BIRC6: variants seen among roughly 807,000 people sequenced by gnomAD.
BIRC6 encodes baculoviral IAP repeat containing 6.
BIRC6 carries 98 observed loss-of-function variants against 503.3 expected under a neutral mutation model. The observed-to-expected ratio is 0.19, with a 90% CI of 0.17 to 0.23. The LOEUF (loss-of-function observed/expected upper bound fraction) is 0.23. Among genes scored for constraint, BIRC6 ranks in the 10% least tolerant of loss-of-function variants. The pLI is 1.00. For synonymous variants in BIRC6, 2,240 were observed against 2,078.7 expected (o/e 1.08, Z -2.11); for missense variants, 5,360 against 5,806.0 (o/e 0.92, Z 2.50).
At chr2:32,450,939 C>T (rs1180964100) in intron 22 of BIRC6, among the ~76,000 whole-genome samples, 2 of 152,030 alleles carry the variant, frequency 1.3e-5, no homozygotes, top group Non-Finnish European at 2.9e-5. Context: ...ATTTTTTTCC[C>T]CTGAATATTT....
At chr2:32,518,034 T>C (rs1450428950) in intron 55 of BIRC6, among the ~76,000 whole-genome samples, 2 of 152,074 alleles carry the variant, frequency 1.3e-5, no homozygotes, top group African/African-American at 2.4e-5. Context: ...CTTACACTTT[T>C]ATCTCCTTTG....
At chr2:32,378,097 C>A (rs761854103) in intron 2 of BIRC6, among the ~76,000 whole-genome samples, 5 of 152,064 alleles carry the variant, frequency 3.3e-5, no homozygotes, top group Non-Finnish European at 5.9e-5. Flanking sequence ...TCATTGCCAA[C>A]CTCAACACTT....
At chr2:32,559,720 TAAA>T (rs371576069) in intron 65 of BIRC6, among the ~76,000 whole-genome samples, 13 of 138,036 alleles carry the variant, frequency 9.4e-5, no homozygotes, top group African/African-American at 3.5e-4. Flanking sequence ...TCAAAATCTT[TAAA>T]AAAAAAAAAA....
intron 4 of BIRC6, 34 bp from the exon 5 acceptor site, chr2:32,392,005 T>A: frequency 1.5e-6 from 2 of 1,364,998 alleles, no homozygotes; most frequent in Non-Finnish European, 2.0e-6. Flanking sequence ...ATTTGATGCC[T>A]AACTTCAATT....
At chr2:32,525,298 A>C (rs2056164335) in intron 58 of BIRC6, among the ~76,000 whole-genome samples, 166 bp from the exon 59 acceptor site, 1 of 152,228 alleles carries the variant, frequency 6.6e-6, no homozygotes. Flanking sequence ...ATTTGTTGTC[A>C]TGAAGGACGA....
At chr2:32,549,992 A>G (rs1018506395) in intron 65 of BIRC6, among the ~76,000 whole-genome samples, 2 of 152,204 alleles carry the variant, frequency 1.3e-5, no homozygotes, top group African/African-American at 4.8e-5. Context: ...TATTGATTGA[A>G]TAATATAGTT....
chr2:32,413,096 T>A (rs997579049), intron 9 of BIRC6, among the ~76,000 whole-genome samples: 5 of 151,784 alleles, frequency 3.3e-5, no homozygotes, highest in African/African-American at 1.2e-4. Flanking sequence ...GCAACTTCTG[T>A]CTCCCAGGTT....
intron 72 of BIRC6, among the ~76,000 whole-genome samples, chr2:32,608,558 G>A (rs977553459): frequency 2.6e-5 from 4 of 151,728 alleles, no homozygotes; most frequent in African/African-American, 4.9e-5. Flanking sequence ...GGGATTACGG[G>A]CATGTGGCAC....
At chr2:32,484,596 A>G (rs1462676903) in intron 39 of BIRC6, among the ~76,000 whole-genome samples, 1 of 151,820 alleles carries the variant, frequency 6.6e-6, no homozygotes, top group African/African-American at 2.4e-5. Flanking sequence ...TTACTGTAAT[A>G]GTTTATTCGT....
chr2:32,476,244 C>T lies in BIRC6; in HGVS notation c.6752C>T (p.Ala2251Val), dbSNP rs1473840374. 6.4e-7 allele frequency: 1 copy of T among 1,551,118 alleles called. No individual in the cohort carries two copies. Among genetic ancestry groups the T allele is most frequent in the Admixed American group, 2.0e-5 (1 of 50,976 alleles). The stretch of plus-strand genomic sequence containing the variant: ...AACCTACTAAAAGCAAAGCAGAAGG[C>T]ATTGGTAGAACAGATGGAAAAAGAA... ...QLNLLKAKQK[A>V]LVEQMEKEKI... The change falls in exon 34 of 74, where the codon GCA (alanine) becomes GTA (valine). Residue 2251 changes from alanine to valine, a missense_variant. Around this residue, in one of 16 missense-constraint regions of BIRC6, gnomAD observed 2,299 missense variants for 2,267.2 expected, o/e 1.01. Coordinates refer to ENST00000421745, the MANE Select transcript of BIRC6 (RefSeq NM_016252.4).
chr2:32,488,758 C>T (rs2149301596), intron 42 of BIRC6, 44 bp downstream of exon 42: 7 of 1,253,188 alleles, frequency 5.6e-6, no homozygotes, highest in Non-Finnish European at 7.5e-6. Flanking sequence ...AAATAGCAAG[C>T]TTAAAACGTA....
At position 32,553,197 on chromosome 2, in the gene BIRC6, C is replaced by CAAAAAAAAAAAAAAAAAAAAAAA. The variant is rs763552918; in HGVS notation, c.13144+3731_13144+3753dup. ...GGGTGACAAGAGTGAAACTCTGTCTCAAAAAAAAAAAAAAAAAAAAAAAAA... is the reference window on the plus strand; with the variant it reads ...GGGTGACAAGAGTGAAACTCTGTCTCAAAAAAAAAAAAAAAAAAAAAAAAAAAAAAAAAAAAAAAAAAAAAAAA... On this transcript the variant is annotated intron_variant, in intron 65 of 73. Transcript: ENST00000421745. Among the ~76,000 whole-genome samples, 5 of 34,950 alleles carry CAAAAAAAAAAAAAAAAAAAAAAA rather than the reference C, an allele frequency of 1.4e-4. 1 individual carries two copies. Among genetic ancestry groups the CAAAAAAAAAAAAAAAAAAAAAAA allele is most frequent in the Non-Finnish European group, 1.5e-4 (3 of 20,582 alleles). The allele number at this position is 34,950 out of a possible 152,430, so 22.9% of individuals were successfully genotyped here.
chr2:32,461,343 A>AGTGTGTGTGTGTGT lies in BIRC6; in HGVS notation c.4754-1824_4754-1811dup, dbSNP rs373274536. 4.7e-3 allele frequency among the ~76,000 whole-genome samples: 620 copies of AGTGTGTGTGTGTGT among 132,110 alleles called. 4 individuals are homozygous for AGTGTGTGTGTGTGT. Among genetic ancestry groups the AGTGTGTGTGTGTGT allele is most frequent in the African/African-American group, 0.014 (465 of 34,236 alleles). 86.7% of individuals were successfully genotyped at this position (132,110 alleles called of 152,430 possible). A position where few individuals can be genotyped will look rare whatever the true frequency, so the allele number is the denominator to read the frequency against. On this transcript the variant is annotated intron_variant, in intron 23 of 73. Coordinates refer to ENST00000421745, the MANE Select transcript of BIRC6 (RefSeq NM_016252.4). ...GAGGCTTGTGCCACCATGCCTGGCT[A>AGTGTGTGTGTGTGT]GTGTGTGTGTGTGTGTGTGTGTGTG...
chr2:32,476,045 A>C (rs1001814830), intron 33 of BIRC6, among the ~76,000 whole-genome samples, 168 bp from the exon 34 acceptor site: 1 of 152,176 alleles, frequency 6.6e-6, no homozygotes, highest in Non-Finnish European at 1.5e-5. Context: ...TCTCAAAGTC[A>C]GGATTTGAAA....
rs538383610 is a variant in BIRC6, at chr2:32,608,706, C to T, written c.14259+1063C>T. ...TGCTGGGATTACAAGCGTGAGCCACCGCCCCGGCCTATTCTTTATTTTTAT... is the reference window on the plus strand; with the variant it reads ...TGCTGGGATTACAAGCGTGAGCCACTGCCCCGGCCTATTCTTTATTTTTAT... On this transcript the variant is annotated intron_variant, in intron 72 of 73. Transcript: ENST00000421745. 4.7e-4 allele frequency among the ~76,000 whole-genome samples: 71 copies of T among 151,428 alleles called. 1 individual carries two copies. In the South Asian group the frequency reaches 0.01, roughly 22 times the overall value.
intron 3 of BIRC6, among the ~76,000 whole-genome samples, chr2:32,382,216 G>T (rs1044008014): frequency 1.3e-5 from 2 of 152,218 alleles, no homozygotes; most frequent in Non-Finnish European, 2.9e-5. Flanking sequence ...GGACTAGGAA[G>T]TGCTACCCAG....
chr2:32,532,391 T>A (rs1296947831), intron 61 of BIRC6: 1 of 402,028 alleles, frequency 2.5e-6, no homozygotes, highest in Non-Finnish European at 5.0e-6. Flanking sequence ...TGGTTGCCAG[T>A]AGTTCTTGCT....
chr2:32,581,350 G>T (rs1156429136), intron 66 of BIRC6, among the ~76,000 whole-genome samples: 1 of 152,164 alleles, frequency 6.6e-6, no homozygotes, highest in Non-Finnish European at 1.5e-5. Flanking sequence ...AAATAAGTCA[G>T]TTTTCTTGAT....
intron 65 of BIRC6, among the ~76,000 whole-genome samples, chr2:32,559,849 A>G (rs1473555806): frequency 6.6e-6 from 1 of 152,074 alleles, no homozygotes; most frequent in East Asian, 1.9e-4. Flanking sequence ...CCCTGTCTCT[A>G]CTGAAAATAC....
Sources: gnomAD v4.1 joint callset for allele counts (sites outside exome capture counted in the v4.1 genomes callset) on GRCh38, gnomAD v4.1.1 for gene constraint, gnomAD v4.1.1 regional missense constraint, MANE v1.5 for transcripts, NCBI Gene and HGNC (gene_info 2026-07-23, HGNC 2026-07-21) for gene names.